Variants in CLVS1 observed in about 807,000 individuals in gnomAD.
The protein encoded by CLVS1 is clavesin-1.
Under a neutral mutation model 33.1 loss-of-function variants are expected in CLVS1, and 10 were observed. The observed-to-expected ratio is 0.30, with a 90% CI of 0.19 to 0.51. The LOEUF is 0.51. CLVS1 is among the 20% of genes least tolerant of loss of function. CLVS1 has a pLI of 0.97. For synonymous variants in CLVS1, 163 were observed against 166.1 expected, an observed-to-expected ratio of 0.98 and a Z score of 0.14; for missense variants, 343 against 433.4, an observed-to-expected ratio of 0.79 and a Z score of 1.85.
At chr8:61,183,209 G>C (rs1222539080) in intron 2 of CLVS1, among the ~76,000 whole-genome samples, 1 of 152,064 alleles carries the variant, frequency 6.6e-6, no homozygotes, top group Non-Finnish European at 1.5e-5. Context: ...TAATGCATGA[G>C]GGGCTTAAAA....
intron 5 of CLVS1, among the ~76,000 whole-genome samples, chr8:61,459,516 C>G (rs545517787): frequency 6.9e-6 from 1 of 145,248 alleles, no homozygotes; most frequent in African/African-American, 2.5e-5. Flanking sequence ...ACTCTTCCCC[C>G]CAAGTCCCCA....
the CLVS1 span, among the ~76,000 whole-genome samples, chr8:60,967,111 A>G: frequency 6.6e-6 from 1 of 152,232 alleles, no homozygotes; most frequent in Non-Finnish European, 1.5e-5. Context: ...AAATGCATAA[A>G]TGCATATGAA....
At chr8:61,311,586 C>T (rs181364614) in intron 2 of CLVS1, among the ~76,000 whole-genome samples, 40 of 152,190 alleles carry the variant, frequency 2.6e-4, no homozygotes, top group Admixed American at 2.1e-3. Context: ...TACAGGGCTC[C>T]GAAAATGTCG....
At chr8:61,071,351 T>TCCCTGACTTTTGTAGCTACTGGAAG (rs1299151625) in intron 1 of CLVS1, among the ~76,000 whole-genome samples, 4 of 152,182 alleles carry the variant, frequency 2.6e-5, no homozygotes, top group African/African-American at 4.8e-5. Flanking sequence ...AGGATCAGTT[T>TCCCTGACTTTTGTAGCTACTGGAAG]CCCTGACTTT....
At chr8:61,157,187 C>T (rs1299871744) in intron 2 of CLVS1, among the ~76,000 whole-genome samples, 1 of 152,116 alleles carries the variant, frequency 6.6e-6, no homozygotes, top group South Asian at 2.1e-4. Flanking sequence ...CTGACCCCTG[C>T]TAAGGGTAGG....
intron 2 of CLVS1, among the ~76,000 whole-genome samples, chr8:61,135,693 G>C (rs59780004): frequency 0.023 from 3,484 of 152,308 alleles, 141 homozygotes; most frequent in African/African-American, 0.08. Context: ...GTCAGTTGGA[G>C]CCTGGCTTTC....
At chr8:61,493,178 A>AAAT (rs1050889427) in intron 5 of CLVS1, among the ~76,000 whole-genome samples, 41 of 152,320 alleles carry the variant, frequency 2.7e-4, no homozygotes, top group Middle Eastern at 3.4e-3. Context: ...TGATTTTTTA[A>AAAT]AATACTAGAC....
At chr8:61,128,740 G>A (rs955564473) in intron 1 of CLVS1, among the ~76,000 whole-genome samples, 1 of 152,178 alleles carries the variant, frequency 6.6e-6, no homozygotes, top group African/African-American at 2.4e-5. Context: ...TATGTCTCTT[G>A]CTTTTCATTC....
intron 1 of CLVS1, among the ~76,000 whole-genome samples, chr8:61,124,838 C>T (rs769195834): frequency 2.6e-5 from 4 of 152,184 alleles, no homozygotes; most frequent in Admixed American, 6.5e-5. Context: ...ATGCCATAAA[C>T]GTCCTGAAGT....
At chr8:61,063,819 A>G (rs1804628818) in intron 1 of CLVS1, among the ~76,000 whole-genome samples, 1 of 152,122 alleles carries the variant, frequency 6.6e-6, no homozygotes, top group Non-Finnish European at 1.5e-5. Context: ...CATCCCCCCT[A>G]TGTTTTCAGA....
At chr8:61,439,360 C>A (rs1409172960) in intron 3 of CLVS1, among the ~76,000 whole-genome samples, 1 of 152,156 alleles carries the variant, frequency 6.6e-6, no homozygotes, top group African/African-American at 2.4e-5. Flanking sequence ...AACATAAACC[C>A]TTTTTAAGGT....
chr8:61,461,368 A>T (rs1817360068), intron 5 of CLVS1, among the ~76,000 whole-genome samples: 1 of 152,222 alleles, frequency 6.6e-6, no homozygotes, highest in Non-Finnish European at 1.5e-5. Flanking sequence ...CTTCAATTTT[A>T]GCAGAACTCA....
intron 2 of CLVS1, among the ~76,000 whole-genome samples, chr8:61,238,624 G>A (rs555502143): frequency 8.3e-4 from 127 of 152,270 alleles, no homozygotes; most frequent in African/African-American, 2.9e-3. Context: ...ACACTTGCAA[G>A]CTCTTTCTGC....
chr8:60,992,519 C>T, the CLVS1 span, among the ~76,000 whole-genome samples: 1 of 152,192 alleles, frequency 6.6e-6, no homozygotes. Flanking sequence ...GCAGAGGTCT[C>T]CCTCGAATCA....
At chr8:61,021,924 T>A in the CLVS1 span, among the ~76,000 whole-genome samples, 1 of 152,174 alleles carries the variant, frequency 6.6e-6, no homozygotes, top group Non-Finnish European at 1.5e-5. Flanking sequence ...TGTCTACTGT[T>A]CCCATCTTTA....
intron 3 of CLVS1, among the ~76,000 whole-genome samples, chr8:61,385,136 T>A (rs571495456): frequency 1.3e-5 from 2 of 152,272 alleles, no homozygotes; most frequent in Non-Finnish European, 2.9e-5. Flanking sequence ...CATCATACTT[T>A]CCGTTGGGCA....
At chr8:61,181,625 A>G (rs62525791) in intron 2 of CLVS1, among the ~76,000 whole-genome samples, 24,206 of 151,836 alleles carry the variant, frequency 0.16, 2,141 homozygotes, top group Admixed American at 0.25. Context: ...TACTGGTACC[A>G]AAACAGACAT....
intron 3 of CLVS1, among the ~76,000 whole-genome samples, chr8:61,447,708 A>G (rs982715702): frequency 6.6e-6 from 1 of 152,020 alleles, no homozygotes; most frequent in Non-Finnish European, 1.5e-5. Context: ...CCTCCCCTAC[A>G]TACATCTTTG....
chr8:61,054,553 T>C (rs947515968), upstream of CLVS1, among the ~76,000 whole-genome samples: 1 of 152,160 alleles, frequency 6.6e-6, no homozygotes, highest in Non-Finnish European at 1.5e-5. Flanking sequence ...CTGGAGCTGT[T>C]ATTTAAAGGG....
Sources: allele counts gnomAD v4.1 joint callset (sites outside exome capture counted in the v4.1 genomes callset), GRCh38; gene constraint gnomAD v4.1.1; transcripts MANE v1.5; gene names NCBI Gene and HGNC (gene_info 2026-07-23, HGNC 2026-07-21).